ZMYND8: variants seen among roughly 807,000 people sequenced by gnomAD.
The protein encoded by ZMYND8 is zinc finger MYND-type containing 8.
ZMYND8 carries 37 observed loss-of-function variants against 140.8 expected under a neutral mutation model. That is an observed-to-expected ratio of 0.26 (90% confidence interval 0.20 to 0.35). ZMYND8 has a LOEUF of 0.35. Among genes scored for constraint, ZMYND8 ranks in the 10% least tolerant of loss-of-function variants. The pLI is 1.00. For missense variants in ZMYND8, 1,068 were observed against 1,570.0 expected, an observed-to-expected ratio of 0.68 and a Z score of 5.40; for synonymous variants, 592 against 597.1, an observed-to-expected ratio of 0.99 and a Z score of 0.12.
In ZMYND8 at chr20:47,212,777, G is replaced by A. The variant is rs781094343; in HGVS notation, c.3485-52C>T. The A allele has an allele frequency of 4.1e-5, 62 of 1,506,500 alleles. No homozygotes were observed. In the East Asian group the frequency reaches 6.6e-4, roughly 16 times the overall value. The allele number at this position is 1,506,500 out of a possible 1,614,324, so 93.3% of individuals were successfully genotyped here. On this transcript the variant is annotated intron_variant, in intron 21 of 22. Coordinates refer to ENST00000471951, the MANE Select transcript of ZMYND8 (RefSeq NM_001281775.3). Reference sequence around the variant, plus strand: ...GAGTCTGTCAGAGAGCTGGAATTCCGCACAACCCCAAGTGCTTACTATTTT... The same window carrying A: ...GAGTCTGTCAGAGAGCTGGAATTCCACACAACCCCAAGTGCTTACTATTTT...
intron 11 of ZMYND8, among the ~76,000 whole-genome samples, chr20:47,264,604 C>T (rs2075375475): frequency 6.6e-6 from 1 of 152,122 alleles, no homozygotes; most frequent in Non-Finnish European, 1.5e-5. Context: ...CACAATAAAT[C>T]TGTTTTACTG....
At chr20:47,248,974 T>TGAG (rs1568987178) in intron 13 of ZMYND8, among the ~76,000 whole-genome samples, 1 of 86,272 alleles carries the variant, frequency 1.2e-5, no homozygotes, top group African/African-American at 6.8e-5. Flanking sequence ...TGATGCGTAC[T>TGAG]GAGGAGAGCA....
chr20:47,270,715 A>G (rs929791247), intron 11 of ZMYND8, among the ~76,000 whole-genome samples: 9 of 150,966 alleles, frequency 6.0e-5, no homozygotes, highest in South Asian at 4.2e-4. Flanking sequence ...AAAAAAAAAA[A>G]AAAAGAAAGA....
chr20:47,225,165 G>A (rs1369736446), intron 18 of ZMYND8, among the ~76,000 whole-genome samples: 1 of 152,030 alleles, frequency 6.6e-6, no homozygotes, highest in Non-Finnish European at 1.5e-5. Context: ...TATACTAACA[G>A]GACAACTATG....
At position 47,227,509 on chromosome 20, in the gene ZMYND8, G is replaced by A. The variant is rs192043489; in HGVS notation, c.2938-228C>T. The stretch of plus-strand genomic sequence containing the variant: ...TCAATTCCAAGAAATACTGGCACGA[G>A]GGAAAGCCACTTAAAGTGACAAGGA... On this transcript the variant is annotated intron_variant, in intron 17 of 22. Coordinates refer to ENST00000471951, the MANE Select transcript of ZMYND8 (RefSeq NM_001281775.3). 7.4e-4 allele frequency among the ~76,000 whole-genome samples: 112 copies of A among 152,302 alleles called. 1 individual carries two copies. In the East Asian group the frequency reaches 0.018, roughly 24 times the overall value.
chr20:47,220,167 A>C, intron 21 of ZMYND8, 91 bp downstream of exon 21: 1 of 1,236,178 alleles, frequency 8.1e-7, no homozygotes, highest in Admixed American at 2.0e-5. Flanking sequence ...AACCATTGGA[A>C]TAAACCCTTC....
intron 11 of ZMYND8, among the ~76,000 whole-genome samples, chr20:47,264,095 C>T (rs189372538): frequency 6.6e-6 from 1 of 152,212 alleles, no homozygotes; most frequent in African/African-American, 2.4e-5. Context: ...AGTTATCTGG[C>T]CCCAAACGTC....
At chr20:47,334,812 T>C (rs1393409225) in intron 2 of ZMYND8, among the ~76,000 whole-genome samples, 1 of 151,930 alleles carries the variant, frequency 6.6e-6, no homozygotes, top group Non-Finnish European at 1.5e-5. Context: ...GGTTTCACCA[T>C]GTTGGCCAGG....
intron 20 of ZMYND8, among the ~76,000 whole-genome samples, chr20:47,220,561 C>T (rs576323786): frequency 1.3e-5 from 2 of 152,114 alleles, no homozygotes; most frequent in Non-Finnish European, 2.9e-5. Flanking sequence ...CCTCACTGTA[C>T]CCTAGAACAT....
chr20:47,226,158 A>AG (rs2037685301), intron 18 of ZMYND8, among the ~76,000 whole-genome samples: 1 of 151,850 alleles, frequency 6.6e-6, no homozygotes, highest in Non-Finnish European at 1.5e-5. Flanking sequence ...TCTTAAAAAA[A>AG]AAAAAAAAAA....
intron 4 of ZMYND8, 129 bp from the exon 5 acceptor site, chr20:47,294,908 C>T: frequency 1.2e-6 from 1 of 802,700 alleles, no homozygotes; most frequent in South Asian, 1.7e-5. Context: ...CTTGTTGTTT[C>T]ACTTAGCAAA....
At chr20:47,215,931 G>T (rs3092120) in intron 21 of ZMYND8, among the ~76,000 whole-genome samples, 18,943 of 152,184 alleles carry the variant, frequency 0.12, 1,177 homozygotes, top group Middle Eastern at 0.16. Context: ...AAGGCACTTG[G>T]AGATAGATGA....
chr20:47,350,340 A>C lies in ZMYND8; in HGVS notation c.15-2414T>G, dbSNP rs536175396. 8.5e-4 allele frequency among the ~76,000 whole-genome samples: 128 copies of C among 151,426 alleles called. 1 individual carries two copies. In the East Asian group the frequency reaches 0.02, roughly 23 times the overall value. On this transcript the variant is annotated intron_variant, in intron 1 of 22. Transcript: ENST00000471951. ...TGCATTAAAAGGAGAAAAAAAAAAA[A>C]AAAAAAAAAAAACTTCATTTACAAA...
At chr20:47,238,692 C>T in intron 15 of ZMYND8, 66 bp downstream of exon 15, 1 of 1,550,218 alleles carries the variant, frequency 6.5e-7, no homozygotes, top group Non-Finnish European at 8.7e-7. Context: ...AGAGCAATGA[C>T]TTTCTCCTGT....
intron 12 of ZMYND8, among the ~76,000 whole-genome samples, chr20:47,250,620 T>C: frequency 6.6e-6 from 1 of 152,194 alleles, no homozygotes. Context: ...CAGAATCTAG[T>C]CTGAGAGCTG....
chr20:47,215,369 T>C (rs569773218), intron 21 of ZMYND8, among the ~76,000 whole-genome samples: 3 of 152,082 alleles, frequency 2.0e-5, no homozygotes, highest in East Asian at 1.9e-4. Context: ...CAAGACTCCA[T>C]CTCAAATACT....
At chr20:47,297,099 T>G (rs1284560259) in intron 4 of ZMYND8, among the ~76,000 whole-genome samples, 1 of 151,894 alleles carries the variant, frequency 6.6e-6, no homozygotes, top group Admixed American at 6.6e-5. Flanking sequence ...ACAAATGTAG[T>G]AGAATGAGGT....
intron 5 of ZMYND8, among the ~76,000 whole-genome samples, chr20:47,292,105 T>C (rs866203220): frequency 6.6e-6 from 1 of 152,224 alleles, no homozygotes; most frequent in African/African-American, 2.4e-5. Flanking sequence ...TCCAATTTTA[T>C]TCTTGGTTTT....
intron 11 of ZMYND8, among the ~76,000 whole-genome samples, chr20:47,265,609 C>A (rs1447566579): frequency 6.6e-6 from 1 of 152,058 alleles, no homozygotes; most frequent in African/African-American, 2.4e-5. Flanking sequence ...CCCAACTAAT[C>A]TTTTTGTATT....
Sources: allele counts gnomAD v4.1 joint callset (sites outside exome capture counted in the v4.1 genomes callset), GRCh38; gene constraint gnomAD v4.1.1; transcripts MANE v1.5; gene names NCBI Gene and HGNC (gene_info 2026-07-23, HGNC 2026-07-21).